FGGY: variants seen among roughly 807,000 people sequenced by gnomAD.
The protein encoded by FGGY is FGGY carbohydrate kinase domain-containing protein.
In FGGY, 72 loss-of-function variants were observed where a neutral mutation model predicts 71.3. The observed-to-expected ratio is 1.01, with a 90% CI of 0.84 to 1.23. The LOEUF (loss-of-function observed/expected upper bound fraction) is 1.23, where lower values mean the gene tolerates loss of function less well. Among genes scored for constraint, FGGY ranks in the 50% most tolerant of loss-of-function variants. The probability of loss-of-function intolerance (pLI) is 0.00; values close to 1 mark genes in which losing one functional copy is unlikely to be tolerated. For synonymous variants in FGGY, 251 were observed against 250.3 expected (o/e 1.00, Z -0.02); for missense variants, 668 against 682.3 (o/e 0.98, Z 0.23).
intron 14 of FGGY, among the ~76,000 whole-genome samples, chr1:59,683,339 C>T (rs2153989969): frequency 6.6e-6 from 1 of 152,262 alleles, no homozygotes; most frequent in South Asian, 2.1e-4. Context: ...TGTAGGCTAT[C>T]CCAGGACTGT....
At chr1:59,453,856 C>T (rs968453243) in intron 5 of FGGY, among the ~76,000 whole-genome samples, 2 of 151,946 alleles carry the variant, frequency 1.3e-5, no homozygotes, top group African/African-American at 4.8e-5. Flanking sequence ...GAAAGGAAGC[C>T]CTGCCTACAA....
chr1:59,695,900 GT>G (rs796086557), intron 14 of FGGY, among the ~76,000 whole-genome samples: 102 of 148,706 alleles, frequency 6.9e-4, no homozygotes, highest in Middle Eastern at 3.4e-3. Flanking sequence ...AGTCCTGTGG[GT>G]TTTTTTTTTA....
chr1:59,425,565 T>C (rs2066211479), intron 5 of FGGY, among the ~76,000 whole-genome samples: 1 of 152,212 alleles, frequency 6.6e-6, no homozygotes, highest in South Asian at 2.1e-4. Context: ...CAAACCGCAT[T>C]GCCTGGCTTT....
At chr1:59,351,573 G>A (rs904172539) in intron 4 of FGGY, among the ~76,000 whole-genome samples, 3 of 152,068 alleles carry the variant, frequency 2.0e-5, no homozygotes, top group African/African-American at 4.8e-5. Context: ...GCTATGTCTT[G>A]GTCCTTAACC....
intron 7 of FGGY, among the ~76,000 whole-genome samples, chr1:59,528,650 A>G (rs2095057920): frequency 6.6e-6 from 1 of 152,194 alleles, no homozygotes. Context: ...ATTTAGCCTC[A>G]GGAGTTAAAA....
intron 6 of FGGY, among the ~76,000 whole-genome samples, chr1:59,482,456 A>T (rs1371543896): frequency 6.6e-6 from 1 of 152,088 alleles, no homozygotes; most frequent in Non-Finnish European, 1.5e-5. Flanking sequence ...ATGACCACTT[A>T]TCTAAGAGGC....
intron 10 of FGGY, among the ~76,000 whole-genome samples, chr1:59,635,322 G>T (rs932981759): frequency 1.3e-5 from 2 of 152,120 alleles, no homozygotes; most frequent in African/African-American, 4.8e-5. Context: ...GAGTCAAAGG[G>T]GTAAGCATAT....
chr1:59,640,620 A>G (rs927215605), intron 11 of FGGY, among the ~76,000 whole-genome samples: 1 of 142,268 alleles, frequency 7.0e-6, no homozygotes, highest in African/African-American at 2.9e-5. Context: ...CCCTGGACAC[A>G]GAGTAAGTGC....
chr1:59,385,148 C>G (rs1483066109), intron 5 of FGGY, among the ~76,000 whole-genome samples: 2 of 152,042 alleles, frequency 1.3e-5, no homozygotes, highest in African/African-American at 2.4e-5. Flanking sequence ...TCCCCTTTCT[C>G]TCTTCCTTCT....
chr1:59,465,804 T>C (rs1446483725), intron 6 of FGGY, among the ~76,000 whole-genome samples: 9 of 152,276 alleles, frequency 5.9e-5, no homozygotes, highest in African/African-American at 2.2e-4. Flanking sequence ...ACAAAGGATG[T>C]GAAGTACCTC....
chr1:59,611,773 A>C (rs758792351), intron 9 of FGGY, among the ~76,000 whole-genome samples: 4 of 152,212 alleles, frequency 2.6e-5, no homozygotes, highest in Non-Finnish European at 5.9e-5. Flanking sequence ...TGAATGTCTA[A>C]CTAGAATAAC....
chr1:59,300,123 T>A (rs1003869192), intron 1 of FGGY, among the ~76,000 whole-genome samples: 1 of 152,184 alleles, frequency 6.6e-6, no homozygotes, highest in African/African-American at 2.4e-5. Context: ...TGTAGCAGCT[T>A]TAGTGAGGAA....
At chr1:59,664,597 T>C (rs2097306824) in intron 12 of FGGY, among the ~76,000 whole-genome samples, 1 of 152,248 alleles carries the variant, frequency 6.6e-6, no homozygotes, top group Admixed American at 6.5e-5. Flanking sequence ...AATTCTCCCA[T>C]TCCATACAGA....
chr1:59,501,516 G>A (rs1316896501), intron 6 of FGGY, among the ~76,000 whole-genome samples: 1 of 152,084 alleles, frequency 6.6e-6, no homozygotes, highest in Admixed American at 6.5e-5. Flanking sequence ...TATTTCCCAA[G>A]TTTTCCTTTT....
intron 9 of FGGY, among the ~76,000 whole-genome samples, chr1:59,611,883 G>A (rs1020835705): frequency 3.9e-5 from 6 of 152,154 alleles, no homozygotes; most frequent in Non-Finnish European, 8.8e-5. Context: ...TTGATCAACT[G>A]GAAGAAAAGG....
chr1:59,663,862 T>C (rs1384689174), intron 12 of FGGY, among the ~76,000 whole-genome samples: 5 of 152,240 alleles, frequency 3.3e-5, no homozygotes, highest in African/African-American at 1.2e-4. Context: ...TCATTAGCCC[T>C]GAATATTGCC....
At chr1:59,318,748 CT>C (rs2045893595) in intron 1 of FGGY, 1 of 152,226 alleles carries the variant, frequency 6.6e-6, no homozygotes, top group South Asian at 2.1e-4. Flanking sequence ...TTTTCATTTC[CT>C]ATTTATTTCT....
chr1:59,302,959 G>T (rs2042989857), intron 1 of FGGY, among the ~76,000 whole-genome samples: 1 of 152,008 alleles, frequency 6.6e-6, no homozygotes, highest in Non-Finnish European at 1.5e-5. Context: ...CATAGATATA[G>T]GATTGTTCAG....
intron 5 of FGGY, among the ~76,000 whole-genome samples, chr1:59,455,318 G>A (rs997227703): frequency 2.0e-5 from 3 of 152,204 alleles, no homozygotes; most frequent in Admixed American, 2.0e-4. Flanking sequence ...AGTCATGAAG[G>A]CTAACTAAGA....
Sources: allele counts gnomAD v4.1 joint callset (sites outside exome capture counted in the v4.1 genomes callset), GRCh38; gene constraint gnomAD v4.1.1; transcripts MANE v1.5; gene names NCBI Gene and HGNC (gene_info 2026-07-23, HGNC 2026-07-21).